The following NCKAP5 variants were observed in gnomAD, a reference collection of about 807,000 sequenced individuals.
NCKAP5 encodes NCK associated protein 5.
Under a neutral mutation model 167.0 loss-of-function variants are expected in NCKAP5, and 92 were observed. That is an observed-to-expected ratio of 0.55 (90% confidence interval 0.47 to 0.66). The LOEUF (loss-of-function observed/expected upper bound fraction) is 0.66. NCKAP5 is among the 30% of genes least tolerant of loss of function. The pLI is 0.00. For missense variants in NCKAP5, 2,378 were observed against 2,315.0 expected, an observed-to-expected ratio of 1.03 and a Z score of -0.56; for synonymous variants, 891 against 877.4, an observed-to-expected ratio of 1.02 and a Z score of -0.27.
intron 16 of NCKAP5, among the ~76,000 whole-genome samples, chr2:132,755,725 A>G (rs189377334): frequency 1.9e-3 from 292 of 151,698 alleles, no homozygotes; most frequent in Non-Finnish European, 3.4e-3. Context: ...GCTACTCAGG[A>G]GGCTAAGGCA....
intron 5 of NCKAP5, among the ~76,000 whole-genome samples, chr2:133,137,627 A>G (rs2082842550): frequency 6.6e-6 from 1 of 152,150 alleles, no homozygotes; most frequent in Non-Finnish European, 1.5e-5. Context: ...GAAGCACCCC[A>G]TATGACTAAA....
intron 3 of NCKAP5, among the ~76,000 whole-genome samples, chr2:133,444,934 G>A (rs1420359733): frequency 6.6e-6 from 1 of 152,134 alleles, no homozygotes. Context: ...CTAATTACTT[G>A]CATTTTAAGA....
intron 16 of NCKAP5, among the ~76,000 whole-genome samples, chr2:132,738,394 G>A (rs1378547152): frequency 6.6e-6 from 1 of 152,132 alleles, no homozygotes; most frequent in Non-Finnish European, 1.5e-5. Context: ...CAGTAACTCT[G>A]GCTCTCATCC....
At chr2:133,313,030 T>A (rs149541938) in intron 3 of NCKAP5, among the ~76,000 whole-genome samples, 1,725 of 152,254 alleles carry the variant, frequency 0.011, 24 homozygotes, top group Non-Finnish European at 0.018. Flanking sequence ...GGTCAGACAA[T>A]AACAGACTTT....
intron 6 of NCKAP5, among the ~76,000 whole-genome samples, chr2:133,029,489 A>G (rs1276467810): frequency 6.6e-6 from 1 of 152,172 alleles, no homozygotes; most frequent in Non-Finnish European, 1.5e-5. Flanking sequence ...TTTAAGGAAG[A>G]AAAAGGGGTT....
intron 15 of NCKAP5, among the ~76,000 whole-genome samples, chr2:132,774,307 A>G (rs181704622): frequency 6.6e-6 from 1 of 152,328 alleles, no homozygotes; most frequent in Admixed American, 6.5e-5. Flanking sequence ...TTCCACTGCA[A>G]GTTATTTTAA....
the NCKAP5 span, among the ~76,000 whole-genome samples, chr2:133,599,135 A>G: frequency 1.8e-4 from 27 of 152,358 alleles, no homozygotes; most frequent in African/African-American, 6.5e-4. Context: ...ACATCTCCAC[A>G]GGTCCTATTT....
At chr2:132,963,670 A>G in intron 8 of NCKAP5, 50 bp downstream of exon 8, 1 of 1,574,602 alleles carries the variant, frequency 6.4e-7, no homozygotes. Flanking sequence ...TAAAAGAAGC[A>G]GAATACTGTT....
Position 132,673,303 on chromosome 2 carries a change from T to C in NCKAP5, c.5716A>G (p.Ile1906Val). 1 of 1,477,560 alleles carries C rather than the reference T, an allele frequency of 6.8e-7. No homozygotes were observed. Among genetic ancestry groups the C allele is most frequent in the Non-Finnish European group, 9.1e-7 (1 of 1,094,754 alleles). The allele number at this position is 1,477,560 out of a possible 1,614,324, so 91.5% of individuals were successfully genotyped here. A position where few individuals can be genotyped will look rare whatever the true frequency, so the allele number is the denominator to read the frequency against. ...VKALKSAAPE[I>V]ETT is the part of the protein sequence containing the mutation. ...CTTTTGTTTCTTCAAGTTGTCTCAATTTCTGCAATAAAAAGAAGAAAATAT... is the reference window on the plus strand; with the variant it reads ...CTTTTGTTTCTTCAAGTTGTCTCAACTTCTGCAATAAAAAGAAGAAAATAT... The change falls in exon 20 of 20, where the codon ATT (isoleucine) becomes GTT (valine). Residue 1906 changes from isoleucine to valine, a missense_variant and splice_region_variant. Physicochemically the swap from Ile to Val is conservative, Grantham distance 29 (BLOSUM62 3). Around this residue, in one of 3 missense-constraint regions of NCKAP5, gnomAD observed 1,325 missense variants for 1,274.5 expected, o/e 1.04. Coordinates refer to ENST00000409261, the MANE Select transcript of NCKAP5 (RefSeq NM_207363.3).
intron 8 of NCKAP5, among the ~76,000 whole-genome samples, chr2:132,887,542 C>T (rs1272002551): frequency 6.6e-6 from 1 of 152,186 alleles, no homozygotes; most frequent in Admixed American, 6.5e-5. Context: ...ATGTCTGCTT[C>T]TCCACAGCGC....
At chr2:133,035,658 C>T (rs575280955) in intron 6 of NCKAP5, among the ~76,000 whole-genome samples, 1 of 151,738 alleles carries the variant, frequency 6.6e-6, no homozygotes, top group Non-Finnish European at 1.5e-5. Flanking sequence ...CCCATGGGAT[C>T]ACTGAAAGAA....
chr2:133,159,458 TG>T (rs36091294), intron 5 of NCKAP5, among the ~76,000 whole-genome samples: 48,405 of 151,964 alleles, frequency 0.32, 8,035 homozygotes, highest in African/African-American at 0.43. Flanking sequence ...TGAGATGCCA[TG>T]TATCTGTTGT....
At chr2:132,808,433 T>A (rs975829814) in intron 11 of NCKAP5, among the ~76,000 whole-genome samples, 4 of 152,198 alleles carry the variant, frequency 2.6e-5, no homozygotes, top group Admixed American at 6.5e-5. Context: ...CAGTTCAATC[T>A]CACTGCTTGT....
chr2:133,549,396 T>G (rs1408054847), intron 2 of NCKAP5, among the ~76,000 whole-genome samples: 20 of 134,812 alleles, frequency 1.5e-4, no homozygotes, highest in Non-Finnish European at 2.9e-4. Context: ...ACAAACTATC[T>G]CTCAGACCAC....
At chr2:133,218,569 G>C (rs1238998073) in intron 4 of NCKAP5, among the ~76,000 whole-genome samples, 2 of 152,220 alleles carry the variant, frequency 1.3e-5, no homozygotes, top group Non-Finnish European at 2.9e-5. Flanking sequence ...CTGAAAGACA[G>C]ATACGGAACT....
intron 6 of NCKAP5, among the ~76,000 whole-genome samples, chr2:133,083,607 C>G (rs2080884877): frequency 6.6e-6 from 1 of 152,142 alleles, no homozygotes; most frequent in South Asian, 2.1e-4. Flanking sequence ...TCTTACCAGA[C>G]AGGAAGTTAT....
chr2:132,789,961 A>G, intron 13 of NCKAP5, 62 bp downstream of exon 13: 2 of 1,501,736 alleles, frequency 1.3e-6, no homozygotes, highest in Non-Finnish European at 1.8e-6. Context: ...CTTCATCTCC[A>G]TGACCAAATC....
intron 7 of NCKAP5, among the ~76,000 whole-genome samples, chr2:132,966,079 G>A (rs2076654351): frequency 6.6e-6 from 1 of 152,156 alleles, no homozygotes; most frequent in Admixed American, 6.5e-5. Context: ...TTATTTAGCA[G>A]TTTGGCAAAT....
intron 3 of NCKAP5, among the ~76,000 whole-genome samples, chr2:133,425,693 A>G (rs554782145): frequency 6.6e-6 from 1 of 152,370 alleles, no homozygotes; most frequent in East Asian, 1.9e-4. Context: ...TATTGTGGGA[A>G]ATACAAAAAG....
Sources: gnomAD v4.1 joint callset for allele counts (sites outside exome capture counted in the v4.1 genomes callset) on GRCh38, gnomAD v4.1.1 for gene constraint, gnomAD v4.1.1 regional missense constraint, MANE v1.5 for transcripts, NCBI Gene and HGNC (gene_info 2026-07-23, HGNC 2026-07-21) for gene names.